Variants in RANBP2 observed in about 807,000 individuals in gnomAD.
RANBP2 encodes the protein E3 SUMO-protein ligase RanBP2.
In RANBP2, 57 loss-of-function variants were observed where a neutral mutation model predicts 303.6. That is an observed-to-expected ratio of 0.19 (90% CI 0.15 to 0.23). RANBP2 has a LOEUF of 0.23. Among genes scored for constraint, RANBP2 ranks in the 10% least tolerant of loss-of-function variants. The pLI, the probability that RANBP2 is intolerant of heterozygous loss-of-function variation, is 1.00. For synonymous variants in RANBP2, 1,167 were observed against 1,301.5 expected (o/e 0.90, Z 2.23); for missense variants, 3,138 against 3,780.8 (o/e 0.83, Z 4.46).
intron 12 of RANBP2, among the ~76,000 whole-genome samples, 163 bp downstream of exon 12, chr2:108,752,157 C>T (rs1418818577): frequency 6.6e-6 from 1 of 151,652 alleles, no homozygotes; most frequent in Non-Finnish European, 1.5e-5. Flanking sequence ...TAAATATAAG[C>T]ACTTAGAGGA....
At chr2:109,724,390 C>T in the RANBP2 span, among the ~76,000 whole-genome samples, 6 of 152,124 alleles carry the variant, frequency 3.9e-5, no homozygotes, top group Non-Finnish European at 7.4e-5. Context: ...TTGATTTTTC[C>T]TACCTATGAG....
the RANBP2 span, among the ~76,000 whole-genome samples, chr2:108,900,663 A>G: frequency 6.6e-6 from 1 of 152,236 alleles, no homozygotes; most frequent in African/African-American, 2.4e-5. Flanking sequence ...TATGCTGCCT[A>G]GAAGAAACTC....
the RANBP2 span, among the ~76,000 whole-genome samples, chr2:109,632,918 A>T: frequency 1.8e-4 from 27 of 152,284 alleles, no homozygotes; most frequent in Non-Finnish European, 3.8e-4. Context: ...AAATTCTTTC[A>T]GTTCCCAACT....
At chr2:108,975,764 C>T in the RANBP2 span, among the ~76,000 whole-genome samples, 86 of 152,290 alleles carry the variant, frequency 5.6e-4, 2 homozygotes, top group Admixed American at 2.2e-3. Flanking sequence ...AGAAGGGTGG[C>T]ACTGTCGGCC....
chr2:108,994,074 AT>A, the RANBP2 span, among the ~76,000 whole-genome samples: 8 of 152,176 alleles, frequency 5.3e-5, no homozygotes, highest in African/African-American at 1.4e-4. Context: ...GGAGCTTAGG[AT>A]TTCAATATAT....
chr2:108,814,947 A>T, the RANBP2 span, among the ~76,000 whole-genome samples: 3,318 of 152,162 alleles, frequency 0.022, 117 homozygotes, highest in African/African-American at 0.076. Context: ...GCAGATTTTT[A>T]AAAAAATAAA....
the RANBP2 span, among the ~76,000 whole-genome samples, chr2:109,125,444 G>A: frequency 5.9e-4 from 90 of 152,296 alleles, no homozygotes; most frequent in African/African-American, 1.3e-3. Context: ...TTGGACAGAC[G>A]CCCTGTGTTC....
chr2:109,189,037 A>T, the RANBP2 span, among the ~76,000 whole-genome samples: 4 of 150,734 alleles, frequency 2.7e-5, no homozygotes, highest in African/African-American at 9.8e-5. Flanking sequence ...AGCCCCTTCC[A>T]CCCTCCCATA....
the RANBP2 span, chr2:109,130,234 C>G: frequency 2.1e-6 from 2 of 949,354 alleles, no homozygotes; most frequent in African/African-American, 3.4e-5. Flanking sequence ...TTGGCCCACT[C>G]CGCTGTTGCT....
the RANBP2 span, among the ~76,000 whole-genome samples, chr2:109,058,148 G>C: frequency 2.0e-5 from 3 of 152,188 alleles, no homozygotes; most frequent in South Asian, 6.2e-4. Flanking sequence ...ACTGTCCCTG[G>C]CAGGTGGGGA....
chr2:109,721,403 C>CAG, the RANBP2 span, among the ~76,000 whole-genome samples: 1 of 152,174 alleles, frequency 6.6e-6, no homozygotes, highest in Non-Finnish European at 1.5e-5. Context: ...TAAGCCTGTG[C>CAG]AGAAACACGC....
chr2:108,783,999 C>A lies in RANBP2; in HGVS notation c.*98C>A, dbSNP rs567498543. The A allele has an allele frequency of 1.2e-5, 14 of 1,178,436 alleles. No homozygotes were observed. Among genetic ancestry groups the A allele is most frequent in the Non-Finnish European group, 1.6e-5 (13 of 832,882 alleles). 73.0% of individuals were successfully genotyped at this position (1,178,436 alleles called of 1,614,324 possible). ...GTTATGTTCAGCTTTTGAAAATGGA[C>A]GTTTCCGATTTACAAATGTAAAATT... On this transcript the variant is annotated 3_prime_UTR_variant, in exon 29 of 29. Coordinates refer to ENST00000283195, the MANE Select transcript of RANBP2 (RefSeq NM_006267.5).
the RANBP2 span, among the ~76,000 whole-genome samples, chr2:109,100,678 G>A: frequency 2.6e-5 from 4 of 152,030 alleles, no homozygotes; most frequent in Non-Finnish European, 5.9e-5. Flanking sequence ...CTAGGGGAGA[G>A]GAAGGACCTC....
the RANBP2 span, among the ~76,000 whole-genome samples, chr2:109,305,311 C>T: frequency 6.6e-6 from 1 of 152,012 alleles, no homozygotes; most frequent in Admixed American, 6.6e-5. Flanking sequence ...CATGAAGTTC[C>T]CTGAGAGGAT....
the RANBP2 span, among the ~76,000 whole-genome samples, chr2:109,472,850 G>A: frequency 2.6e-5 from 4 of 152,156 alleles, no homozygotes. Context: ...GGACAGGGTC[G>A]TGACACACTC....
At chr2:108,930,846 A>G in the RANBP2 span, 3 of 1,137,076 alleles carry the variant, frequency 2.6e-6, no homozygotes, top group Non-Finnish European at 2.7e-6. Flanking sequence ...CCTCAGAAGA[A>G]CCCTGTGGAG....
chr2:109,033,507 T>G, the RANBP2 span, among the ~76,000 whole-genome samples: 3 of 152,134 alleles, frequency 2.0e-5, no homozygotes, highest in South Asian at 2.1e-4. Context: ...CAAATCCATC[T>G]CCCCATCCAC....
the RANBP2 span, among the ~76,000 whole-genome samples, chr2:108,814,737 T>C: frequency 6.6e-6 from 1 of 151,298 alleles, no homozygotes; most frequent in South Asian, 2.1e-4. Context: ...GGTGCAACCT[T>C]TGCCTTCTGG....
the RANBP2 span, among the ~76,000 whole-genome samples, chr2:109,298,203 G>C: frequency 3.3e-5 from 5 of 152,192 alleles, no homozygotes; most frequent in Admixed American, 3.3e-4. Context: ...TCACCAAATA[G>C]ATGCAGAGAA....
Sources: allele counts gnomAD v4.1 joint callset (sites outside exome capture counted in the v4.1 genomes callset), GRCh38; gene constraint gnomAD v4.1.1; transcripts MANE v1.5; gene names NCBI Gene and HGNC (gene_info 2026-07-23, HGNC 2026-07-21).